Variants in PTGER3 observed in about 807,000 individuals in gnomAD.
The protein encoded by PTGER3 is prostaglandin E2 receptor EP3 subtype.
In PTGER3, 22 loss-of-function variants were observed where a neutral mutation model predicts 34.7. The observed-to-expected ratio is 0.63, with a 90% CI of 0.45 to 0.91. The LOEUF is 0.91. Ranked by LOEUF, PTGER3 falls within the 40% of genes least tolerant of loss-of-function variation. The probability of loss-of-function intolerance (pLI) is 0.00; values close to 1 mark genes in which losing one functional copy is unlikely to be tolerated. For missense variants in PTGER3, 468 were observed against 519.4 expected, an observed-to-expected ratio of 0.90 and a Z score of 0.96; for synonymous variants, 241 against 230.1, an observed-to-expected ratio of 1.05 and a Z score of -0.43.
intron 1 of PTGER3, among the ~76,000 whole-genome samples, chr1:71,038,530 T>G (rs1660019634): frequency 6.6e-6 from 1 of 152,232 alleles, no homozygotes; most frequent in Admixed American, 6.5e-5. Flanking sequence ...CCATTTTTCA[T>G]TTTAGATCGA....
At chr1:70,899,744 A>G (rs1646797740) in intron 4 of PTGER3, among the ~76,000 whole-genome samples, 1 of 152,088 alleles carries the variant, frequency 6.6e-6, no homozygotes, top group Non-Finnish European at 1.5e-5. Context: ...TCAGTTTGTA[A>G]GTTTGTTACA....
chr1:71,034,054 G>A (rs1304590573), intron 1 of PTGER3, among the ~76,000 whole-genome samples: 4 of 152,062 alleles, frequency 2.6e-5, no homozygotes, highest in Non-Finnish European at 5.9e-5. Flanking sequence ...TTGTTATGAT[G>A]TGTCTGTATC....
At chr1:70,971,802 G>C in intron 3 of PTGER3, 69 bp from the exon 4 acceptor site, 2 of 1,011,010 alleles carry the variant, frequency 2.0e-6, no homozygotes, top group Non-Finnish European at 2.9e-6. Flanking sequence ...TTTTGTGTAT[G>C]GTGTGAGGAG....
intron 4 of PTGER3, chr1:70,884,115 A>T (rs1272311862): frequency 5.2e-6 from 2 of 385,808 alleles, no homozygotes; most frequent in East Asian, 2.2e-4. Flanking sequence ...AAAAAGGATC[A>T]GAACACAATT....
At chr1:70,936,378 G>T (rs1400340447) in intron 4 of PTGER3, among the ~76,000 whole-genome samples, 1 of 152,180 alleles carries the variant, frequency 6.6e-6, no homozygotes, top group Non-Finnish European at 1.5e-5. Flanking sequence ...CATGCAGAGA[G>T]CAGGCACAGC....
intron 4 of PTGER3, among the ~76,000 whole-genome samples, chr1:70,900,872 G>T (rs917699601): frequency 3.3e-5 from 5 of 151,964 alleles, no homozygotes; most frequent in African/African-American, 9.7e-5. Context: ...AAGCAGTGAG[G>T]GTCGGGACTT....
intron 4 of PTGER3, among the ~76,000 whole-genome samples, chr1:70,935,693 A>ATATATATATATATATATATATATATT (rs1491421864): frequency 4.3e-5 from 6 of 140,766 alleles, no homozygotes; most frequent in African/African-American, 1.5e-4. Context: ...ATATATATAT[A>ATATATATATATATATATATATATATT]TGTTCTGCTT....
At chr1:71,007,033 A>G (rs1161916143) in intron 2 of PTGER3, 2 of 985,258 alleles carry the variant, frequency 2.0e-6, no homozygotes, top group Non-Finnish European at 2.4e-6. Context: ...AACATACTAG[A>G]AGATATATTT....
chr1:70,981,259 TC>T (rs1654230030), intron 2 of PTGER3, among the ~76,000 whole-genome samples: 1 of 152,024 alleles, frequency 6.6e-6, no homozygotes, highest in Non-Finnish European at 1.5e-5. Flanking sequence ...TCCTTTTTTT[TC>T]TTTTCTTTTT....
chr1:70,974,229 C>A (rs770801344), intron 3 of PTGER3, 68 bp downstream of exon 3: 11 of 1,578,920 alleles, frequency 7.0e-6, no homozygotes, highest in Non-Finnish European at 9.5e-6. Context: ...TTTGTAGCAT[C>A]AACTCCGATT....
intron 2 of PTGER3, 138 bp from the exon 3 acceptor site, chr1:70,974,526 C>T: frequency 1.7e-6 from 1 of 582,716 alleles, no homozygotes; most frequent in Non-Finnish European, 3.1e-6. Flanking sequence ...AGGACCATCT[C>T]ATTTCTACTT....
intron 4 of PTGER3, among the ~76,000 whole-genome samples, chr1:70,904,664 G>A (rs1226335036): frequency 1.3e-5 from 2 of 152,184 alleles, no homozygotes; most frequent in South Asian, 2.1e-4. Context: ...AGGGTATCTG[G>A]TGGAAGAAAT....
chr1:70,930,864 C>A (rs1453550660), intron 4 of PTGER3, among the ~76,000 whole-genome samples: 4 of 152,112 alleles, frequency 2.6e-5, no homozygotes, highest in African/African-American at 9.7e-5. Context: ...CCTGGCCCCT[C>A]CAAATCTCAT....
downstream of PTGER3, among the ~76,000 whole-genome samples, chr1:70,966,685 T>A (rs537496099): frequency 6.6e-6 from 1 of 152,214 alleles, no homozygotes; most frequent in African/African-American, 2.4e-5. Context: ...CACTTATGAA[T>A]GAGAACATGT....
chr1:70,852,955 G>T, intron 4 of PTGER3: 3 of 1,353,968 alleles, frequency 2.2e-6, no homozygotes, highest in South Asian at 1.2e-5. Context: ...ATAAATTTCA[G>T]ATTATGAACA....
At chr1:70,939,454 C>G (rs1316742899) in intron 4 of PTGER3, among the ~76,000 whole-genome samples, 2 of 152,200 alleles carry the variant, frequency 1.3e-5, no homozygotes, top group Admixed American at 1.3e-4. Context: ...CCAGTAGGGC[C>G]CCTGTGTGGG....
At chr1:71,035,072 G>A (rs1284471865) in intron 1 of PTGER3, among the ~76,000 whole-genome samples, 1 of 152,180 alleles carries the variant, frequency 6.6e-6, no homozygotes, top group African/African-American at 2.4e-5. Flanking sequence ...ATTATTAAGG[G>A]TGTTCAACAA....
intron 4 of PTGER3, among the ~76,000 whole-genome samples, chr1:70,881,093 G>C (rs1646381711): frequency 6.6e-6 from 1 of 152,148 alleles, no homozygotes; most frequent in South Asian, 2.1e-4. Flanking sequence ...ATATTTCTCA[G>C]AGGTTTTATC....
At chr1:70,998,748 T>C (rs1656203733) in intron 2 of PTGER3, among the ~76,000 whole-genome samples, 1 of 152,208 alleles carries the variant, frequency 6.6e-6, no homozygotes, top group African/African-American at 2.4e-5. Flanking sequence ...GTTCTGTTTG[T>C]GACTTTACAG....
Sources: allele counts gnomAD v4.1 joint callset (sites outside exome capture counted in the v4.1 genomes callset), GRCh38; gene constraint gnomAD v4.1.1; transcripts MANE v1.5; gene names NCBI Gene and HGNC (gene_info 2026-07-23, HGNC 2026-07-21).